Variants in RNF150 observed in about 807,000 individuals in gnomAD.
The protein encoded by RNF150 is ring finger protein 150.
RNF150 carries 24 observed loss-of-function variants against 39.3 expected under a neutral mutation model. The ratio of observed to expected loss-of-function variants is 0.61; its 90% CI spans 0.44 to 0.86. The LOEUF is 0.86. RNF150 is among the 40% of genes least tolerant of loss of function. The pLI, the probability that RNF150 is intolerant of heterozygous loss-of-function variation, is 0.00. For missense variants in RNF150, 502 were observed against 587.8 expected (o/e 0.85, Z 1.51); for synonymous variants, 255 against 227.3 (o/e 1.12, Z -1.10).
intron 1 of RNF150, among the ~76,000 whole-genome samples, chr4:141,120,855 G>C (rs2111085113): frequency 6.6e-6 from 1 of 152,246 alleles, no homozygotes; most frequent in Admixed American, 6.5e-5. Flanking sequence ...GCAGAGGAGT[G>C]ATTGCCTTTG....
intron 1 of RNF150, among the ~76,000 whole-genome samples, chr4:140,990,559 T>C (rs1734158757): frequency 6.6e-6 from 1 of 152,182 alleles, no homozygotes; most frequent in Admixed American, 6.6e-5. Context: ...ATTGTTCAGC[T>C]CCCGCTAATA....
At position 140,917,161 on chromosome 4, in the gene RNF150, C is replaced by G. The variant is rs1730868398; in HGVS notation, c.988-5807G>C. 2.6e-5 allele frequency among the ~76,000 whole-genome samples: 4 copies of G among 152,308 alleles called. No homozygotes were observed. In the South Asian group the frequency reaches 8.3e-4, roughly 32 times the overall value. The stretch of plus-strand genomic sequence containing the variant: ...AATGAGCAAAATAACCAGCTAACAT[C>G]ACAACAACAGGATCAAATTCACACA... On this transcript the variant is annotated intron_variant, in intron 5 of 6. Transcript: ENST00000515673.
chr4:140,878,317 T>C (rs917845896), intron 6 of RNF150, among the ~76,000 whole-genome samples: 30 of 152,020 alleles, frequency 2.0e-4, no homozygotes, highest in Admixed American at 3.9e-4. Flanking sequence ...ATTACAGGTA[T>C]GCACCACCAT....
rs1265816869 is a variant in RNF150, at chr4:140,945,587, C to CATAT, written c.890+2063_890+2066dup. On this transcript the variant is annotated intron_variant, in intron 4 of 6. Coordinates refer to ENST00000515673, the MANE Select transcript of RNF150 (RefSeq NM_020724.2). ...TATACATATATACATATATATACTA[C>CATAT]ATATATACATATATACATATATATA... is the stretch of plus-strand genomic sequence containing the variant. 8.8e-5 allele frequency among the ~76,000 whole-genome samples: 13 copies of CATAT among 147,116 alleles called. No homozygotes were observed. The South Asian group carries it at 2.1e-3, about 24-fold the overall frequency.
chr4:141,193,084 C>T (rs935569547), intron 1 of RNF150, among the ~76,000 whole-genome samples: 2 of 152,190 alleles, frequency 1.3e-5, no homozygotes, highest in South Asian at 2.1e-4. Flanking sequence ...CTTCTTAGCA[C>T]TTATCTTTAT....
chr4:140,987,716 G>T (rs1734059800), intron 1 of RNF150, among the ~76,000 whole-genome samples: 1 of 152,098 alleles, frequency 6.6e-6, no homozygotes. Context: ...AAGAATTTAT[G>T]ACTAAGTCTT....
chr4:141,011,163 G>A (rs537033582), intron 1 of RNF150, among the ~76,000 whole-genome samples: 5 of 151,804 alleles, frequency 3.3e-5, no homozygotes, highest in East Asian at 1.9e-4. Flanking sequence ...AATAGTTACC[G>A]GAAAGCAAGC....
intron 1 of RNF150, among the ~76,000 whole-genome samples, chr4:141,169,589 T>C (rs920394062): frequency 1.3e-5 from 2 of 152,140 alleles, no homozygotes; most frequent in African/African-American, 4.8e-5. Flanking sequence ...CAATAAAAAG[T>C]TAATTTTTAA....
At chr4:140,871,539 C>T (rs1363112435) in intron 6 of RNF150, among the ~76,000 whole-genome samples, 3 of 152,034 alleles carry the variant, frequency 2.0e-5, no homozygotes, top group Non-Finnish European at 4.4e-5. Flanking sequence ...CATCAATCAA[C>T]TCAGTTCACA....
At chr4:141,117,544 T>C (rs1726455157) in intron 1 of RNF150, among the ~76,000 whole-genome samples, 1 of 152,240 alleles carries the variant, frequency 6.6e-6, no homozygotes, top group Admixed American at 6.5e-5. Context: ...ATGTATATGG[T>C]ATGGTCTGTT....
chr4:141,149,668 T>A (rs1449939073), intron 1 of RNF150, among the ~76,000 whole-genome samples: 2 of 152,244 alleles, frequency 1.3e-5, no homozygotes, highest in African/African-American at 4.8e-5. Flanking sequence ...TTCCATATTT[T>A]TTGCAATTGC....
rs1156436373 is a variant in RNF150 at position 140,861,479 on chromosome 4, T to A, written c.*6782A>T. ...AATTGTATGATGAAAGGCAAGTAAC[T>A]GGTTGTTGAATTCATGACCCAAGTC... On this transcript the variant is annotated 3_prime_UTR_variant, in exon 7 of 7. Transcript: ENST00000515673. 1.3e-5 allele frequency: 2 copies of A among 152,224 alleles called. No individual in the cohort carries two copies. Among genetic ancestry groups the A allele is most frequent in the Non-Finnish European group, 2.9e-5 (2 of 68,044 alleles). The allele number at this position is 152,224 out of a possible 1,614,324, so 9.4% of individuals were successfully genotyped here.
intron 1 of RNF150, among the ~76,000 whole-genome samples, chr4:141,084,002 A>G (rs1738255265): frequency 6.6e-6 from 1 of 152,238 alleles, no homozygotes; most frequent in Non-Finnish European, 1.5e-5. Context: ...AAATAGTTTA[A>G]TGTGATGTGG....
intron 5 of RNF150, among the ~76,000 whole-genome samples, chr4:140,918,519 G>C (rs1393965401): frequency 1.3e-5 from 2 of 152,072 alleles, no homozygotes; most frequent in Non-Finnish European, 2.9e-5. Flanking sequence ...CCAATAACAG[G>C]CTCTGAAATT....
intron 1 of RNF150, among the ~76,000 whole-genome samples, chr4:141,154,916 G>A (rs1375423600): frequency 6.6e-6 from 1 of 152,116 alleles, no homozygotes; most frequent in Non-Finnish European, 1.5e-5. Flanking sequence ...CATAATGATA[G>A]GAGACAGGCA....
chr4:141,200,432 T>C (rs1315267364), intron 1 of RNF150, among the ~76,000 whole-genome samples: 2 of 152,002 alleles, frequency 1.3e-5, no homozygotes, highest in East Asian at 1.9e-4. Flanking sequence ...CACCTCCTAA[T>C]ACTATCACAT....
chr4:140,899,402 T>C (rs575637654), intron 6 of RNF150, among the ~76,000 whole-genome samples: 7 of 152,194 alleles, frequency 4.6e-5, no homozygotes, highest in Admixed American at 6.6e-5. Flanking sequence ...CACATTTCAT[T>C]TGTAGGCAGG....
intron 6 of RNF150, among the ~76,000 whole-genome samples, chr4:140,906,255 C>T (rs1358771335): frequency 6.6e-6 from 1 of 151,908 alleles, no homozygotes; most frequent in African/African-American, 2.4e-5. Flanking sequence ...AGAATGGTCC[C>T]CCACATCTGC....
rs1305091589 is a variant in RNF150 at position 140,967,952 on chromosome 4, A to G, written c.485-79T>C. 3 of 1,300,690 alleles carry G rather than the reference A, an allele frequency of 2.3e-6. No homozygotes were observed. The African/African-American group carries it at 4.4e-5, about 19-fold the overall frequency. 80.6% of individuals were successfully genotyped at this position (1,300,690 alleles called of 1,614,324 possible). The stretch of plus-strand genomic sequence containing the variant: ...GGATCCCAGTGAGATGTGTGGACAC[A>G]GTAACACGAAACCAAATAAGGACAG... On this transcript the variant is annotated intron_variant, in intron 1 of 6. Transcript: ENST00000515673.
Sources: gnomAD v4.1 joint callset for allele counts (sites outside exome capture counted in the v4.1 genomes callset) on GRCh38, gnomAD v4.1.1 for gene constraint, MANE v1.5 for transcripts, NCBI Gene and HGNC (gene_info 2026-07-23, HGNC 2026-07-21) for gene names.